LARGE1: variants seen among roughly 807,000 people sequenced by gnomAD.
LARGE1 encodes the protein LARGE xylosyl- and glucuronyltransferase 1.
LARGE1 carries 43 observed loss-of-function variants against 87.6 expected under a neutral mutation model. The observed-to-expected ratio is 0.49, with a 90% CI of 0.38 to 0.63. LARGE1 has a LOEUF of 0.63. Ranked by LOEUF, LARGE1 falls within the 30% of genes least tolerant of loss-of-function variation. The pLI, the probability that LARGE1 is intolerant of heterozygous loss-of-function variation, is 0.00. For missense variants in LARGE1, 802 were observed against 1,000.2 expected (o/e 0.80, Z 2.67); for synonymous variants, 434 against 394.6 (o/e 1.10, Z -1.18).
intron 1 of LARGE1, among the ~76,000 whole-genome samples, chr22:33,785,142 CATATGTGTATATACATAT>C (rs1569445922): frequency 2.9e-5 from 4 of 136,594 alleles, no homozygotes; most frequent in Admixed American, 7.1e-5. Flanking sequence ...TGTATACATA[CATATGTGTATATACATAT>C]ATGTGTATAC....
At chr22:33,785,597 A>G (rs1601613096) in intron 1 of LARGE1, among the ~76,000 whole-genome samples, 1 of 152,210 alleles carries the variant, frequency 6.6e-6, no homozygotes, top group East Asian at 1.9e-4. Flanking sequence ...AAAAAGAAAC[A>G]AACAAAACTG....
At chr22:33,763,880 TCA>T (rs1046721214) in intron 1 of LARGE1, among the ~76,000 whole-genome samples, 2 of 120,450 alleles carry the variant, frequency 1.7e-5, no homozygotes, top group African/African-American at 6.2e-5. Context: ...AGACAGAGAC[TCA>T]CTCTGTCACC....
chr22:33,276,058 G>A (rs1014260120), intron 14 of LARGE1, among the ~76,000 whole-genome samples: 2 of 152,090 alleles, frequency 1.3e-5, no homozygotes, highest in African/African-American at 4.8e-5. Flanking sequence ...CAAACATATT[G>A]GAACTATTGG....
At chr22:33,419,937 A>T (rs2066634387) in intron 7 of LARGE1, among the ~76,000 whole-genome samples, 1 of 151,924 alleles carries the variant, frequency 6.6e-6, no homozygotes, top group Non-Finnish European at 1.5e-5. Context: ...CAAGTGATCC[A>T]CTCACTTTGG....
intron 2 of LARGE1, among the ~76,000 whole-genome samples, chr22:33,714,031 C>T (rs5022322): frequency 0.028 from 4,075 of 147,194 alleles, 61 homozygotes; most frequent in Middle Eastern, 0.048. Context: ...CATAACATAA[C>T]ATAAAACAAA....
In LARGE1 at chr22:33,581,154, TAG is replaced by T. The variant is rs2078507409; in HGVS notation, c.616-16137_616-16136del. ...ATTTTACACATAGGAAACTAAGACT[TAG>T]AAACATCATTGTCTCAAATTGCACT... is the stretch of plus-strand genomic sequence containing the variant. On this transcript the variant is annotated intron_variant, in intron 5 of 14. Coordinates refer to ENST00000397394, the MANE Select transcript of LARGE1 (RefSeq NM_133642.5). 2.0e-5 allele frequency among the ~76,000 whole-genome samples: 3 copies of T among 152,190 alleles called. No homozygotes were observed. In the South Asian group the frequency reaches 6.2e-4, roughly 32 times the overall value.
chr22:33,098,267 C>T, the LARGE1 span, among the ~76,000 whole-genome samples: 1 of 152,110 alleles, frequency 6.6e-6, no homozygotes, highest in Non-Finnish European at 1.5e-5. Context: ...CACTCCACTA[C>T]ACATCAGTCT....
chr22:33,427,460 A>T (rs892920019), intron 7 of LARGE1, among the ~76,000 whole-genome samples: 1 of 152,232 alleles, frequency 6.6e-6, no homozygotes, highest in African/African-American at 2.4e-5. Flanking sequence ...GCAGACTGGG[A>T]AAGAAAAGCA....
intron 6 of LARGE1, among the ~76,000 whole-genome samples, chr22:33,516,614 C>T (rs2071316116): frequency 6.6e-6 from 1 of 151,884 alleles, no homozygotes; most frequent in African/African-American, 2.4e-5. Context: ...ATTTTTGAGA[C>T]AGTCTCCTTC....
chr22:33,079,988 C>G, the LARGE1 span, among the ~76,000 whole-genome samples: 1 of 152,160 alleles, frequency 6.6e-6, no homozygotes, highest in Non-Finnish European at 1.5e-5. Context: ...CTCATTGCCT[C>G]CAGGTGCTGG....
intron 10 of LARGE1, among the ~76,000 whole-genome samples, chr22:33,336,443 G>A (rs934934375): frequency 1.3e-5 from 2 of 151,890 alleles, no homozygotes; most frequent in African/African-American, 4.8e-5. Flanking sequence ...CAAGTGATCC[G>A]CCTGCCTCAG....
Position 33,650,703 on chromosome 22 carries a change from G to A in LARGE1, c.107-35C>T, listed in dbSNP as rs754965701. The A allele has an allele frequency of 3.8e-6, 6 of 1,596,262 alleles. No homozygotes were observed. In the South Asian group the frequency reaches 5.5e-5, roughly 15 times the overall value. On this transcript the variant is annotated intron_variant, in intron 2 of 14. Transcript: ENST00000397394. ...GAAACACCAGGGAAGCTTTAATCTG[G>A]ATGAACCATGCCTCAAGCCCCTCCA...
At position 33,429,482 on chromosome 22, in the gene LARGE1, T is replaced by A. The variant is rs149318287; in HGVS notation, c.892+2679A>T. Among the ~76,000 whole-genome samples the A allele has an allele frequency of 9.8e-3, 1,490 of 152,186 alleles. 15 individuals carry two copies. Among genetic ancestry groups the A allele is most frequent in the South Asian group, 0.017 (82 of 4,816 alleles). On this transcript the variant is annotated intron_variant, in intron 7 of 14. Coordinates refer to ENST00000397394, the MANE Select transcript of LARGE1 (RefSeq NM_133642.5). ...TCCTGATGCTACATTCTATAGCAAA[T>A]AGGGAAGGGCAGGAAGAGACATGCC...
At chr22:33,072,174 CA>C in the LARGE1 span, among the ~76,000 whole-genome samples, 1 of 152,076 alleles carries the variant, frequency 6.6e-6, no homozygotes, top group Non-Finnish European at 1.5e-5. Context: ...GAGATCTGCT[CA>C]AAAATGCCTA....
At chr22:33,694,819 A>C (rs2082195893) in intron 2 of LARGE1, among the ~76,000 whole-genome samples, 1 of 152,192 alleles carries the variant, frequency 6.6e-6, no homozygotes, top group Admixed American at 6.5e-5. Flanking sequence ...TATCTAAAAG[A>C]TGACTAGTGG....
At chr22:33,339,009 G>A (rs111370715) in intron 9 of LARGE1, among the ~76,000 whole-genome samples, 4,177 of 152,124 alleles carry the variant, frequency 0.027, 197 homozygotes, top group African/African-American at 0.096. Context: ...TTAGCTGGGC[G>A]TGGTGGCAGG....
intron 4 of LARGE1, among the ~76,000 whole-genome samples, chr22:33,623,272 G>A (rs1602773251): frequency 6.6e-6 from 1 of 151,928 alleles, no homozygotes; most frequent in South Asian, 2.1e-4. Context: ...GCCACAGGAT[G>A]AAGGCCGTAG....
chr22:33,555,612 G>T (rs1001974462), intron 6 of LARGE1, among the ~76,000 whole-genome samples: 3 of 152,088 alleles, frequency 2.0e-5, no homozygotes, highest in Non-Finnish European at 4.4e-5. Context: ...CCAAAGGTAG[G>T]AGCCTGTCTG....
chr22:33,912,097 T>C lies in LARGE1; in HGVS notation c.-83+7898A>G, dbSNP rs549785611. ...CTATGGGCTTGCCTCTATGCCTCCC[T>C]TGGCTTCTGAAACAACCACAAAATG... On this transcript the variant is annotated intron_variant, in intron 1 of 14. Transcript: ENST00000397394. Among the ~76,000 whole-genome samples the C allele has an allele frequency of 6.6e-5, 10 of 152,314 alleles. 1 individual carries two copies. The East Asian group carries it at 1.9e-3, about 29-fold the overall frequency.
Sources: gnomAD v4.1 joint callset for allele counts (sites outside exome capture counted in the v4.1 genomes callset) on GRCh38, gnomAD v4.1.1 for gene constraint, MANE v1.5 for transcripts, NCBI Gene and HGNC (gene_info 2026-07-23, HGNC 2026-07-21) for gene names.